SUCLG2: variants seen among roughly 807,000 people sequenced by gnomAD.
SUCLG2 encodes succinate-CoA ligase GDP-forming subunit beta, also known as succinate--CoA ligase [GDP-forming] subunit beta, mitochondrial.
In SUCLG2, 42 loss-of-function variants were observed where a neutral mutation model predicts 47.9. That is an observed-to-expected ratio of 0.88 (90% CI 0.69 to 1.14). SUCLG2 has a LOEUF of 1.14. Among genes scored for constraint, SUCLG2 ranks in the 50% most tolerant of loss-of-function variants. The probability of loss-of-function intolerance (pLI) is 0.00; values close to 1 mark genes in which losing one functional copy is unlikely to be tolerated. For synonymous variants in SUCLG2, 195 were observed against 197.3 expected (o/e 0.99, Z 0.10); for missense variants, 571 against 525.9 (o/e 1.09, Z -0.84).
intron 9 of SUCLG2, among the ~76,000 whole-genome samples, chr3:67,485,380 T>G (rs572929683): frequency 6.6e-6 from 1 of 152,350 alleles, no homozygotes; most frequent in South Asian, 2.1e-4. Context: ...TCATACTTGT[T>G]ACTATTATAT....
chr3:67,639,015 G>A (rs1379024709), intron 1 of SUCLG2, among the ~76,000 whole-genome samples: 1 of 152,070 alleles, frequency 6.6e-6, no homozygotes, highest in Non-Finnish European at 1.5e-5. Context: ...GAGCTATTCC[G>A]TGGCCTTGTC....
intron 1 of SUCLG2, among the ~76,000 whole-genome samples, chr3:67,648,260 A>T (rs1212325092): frequency 6.6e-6 from 1 of 152,152 alleles, no homozygotes; most frequent in Admixed American, 6.5e-5. Flanking sequence ...TCGTGTCTTT[A>T]ATCTCCCTAC....
intron 4 of SUCLG2, among the ~76,000 whole-genome samples, chr3:67,527,208 G>A (rs1706277133): frequency 6.6e-6 from 1 of 152,238 alleles, no homozygotes; most frequent in Admixed American, 6.5e-5. Flanking sequence ...GTGTCCTGCA[G>A]CATGGTGCAT....
intron 10 of SUCLG2, among the ~76,000 whole-genome samples, chr3:67,367,511 C>A (rs1460239420): frequency 6.6e-6 from 1 of 152,076 alleles, no homozygotes; most frequent in Non-Finnish European, 1.5e-5. Flanking sequence ...ATACCAATGA[C>A]CCATATTTAC....
chr3:67,388,255 C>A (rs1402810776), intron 10 of SUCLG2, among the ~76,000 whole-genome samples: 2 of 152,186 alleles, frequency 1.3e-5, no homozygotes, highest in Non-Finnish European at 2.9e-5. Context: ...TACCCTCTTT[C>A]CACTATTATA....
chr3:67,493,758 T>G (rs1705261595), intron 9 of SUCLG2, among the ~76,000 whole-genome samples: 1 of 152,170 alleles, frequency 6.6e-6, no homozygotes, highest in Non-Finnish European at 1.5e-5. Context: ...ATTTACAGAT[T>G]TCAATTGGTT....
intron 9 of SUCLG2, among the ~76,000 whole-genome samples, chr3:67,471,708 C>T (rs1466759751): frequency 6.8e-6 from 1 of 146,112 alleles, no homozygotes; most frequent in Non-Finnish European, 1.5e-5. Context: ...GAACCTTGGT[C>T]TGTGTTACCC....
chr3:67,532,073 T>C (rs1439235448), intron 2 of SUCLG2, among the ~76,000 whole-genome samples: 7 of 152,202 alleles, frequency 4.6e-5, no homozygotes. Context: ...GACTTAACCA[T>C]CCTTTAGAAA....
chr3:67,400,295 ATTT>A (rs1702654465), intron 10 of SUCLG2, among the ~76,000 whole-genome samples: 2 of 151,950 alleles, frequency 1.3e-5, no homozygotes, highest in Non-Finnish European at 2.9e-5. Context: ...TTTAAGAGTT[ATTT>A]TTTAAATTCC....
At chr3:67,511,201 A>T (rs919217902) in intron 6 of SUCLG2, among the ~76,000 whole-genome samples, 3 of 152,086 alleles carry the variant, frequency 2.0e-5, no homozygotes, top group African/African-American at 7.2e-5. Context: ...ATTGTTCTTC[A>T]TAGAAGCTGT....
chr3:67,458,406 C>A (rs539587113), intron 9 of SUCLG2, among the ~76,000 whole-genome samples: 2 of 152,062 alleles, frequency 1.3e-5, no homozygotes, highest in Admixed American at 6.6e-5. Flanking sequence ...TATAATAAGT[C>A]GAGGGGGTAG....
At chr3:67,418,627 A>G (rs1019255650) in intron 9 of SUCLG2, among the ~76,000 whole-genome samples, 2 of 152,178 alleles carry the variant, frequency 1.3e-5, no homozygotes, top group Admixed American at 1.3e-4. Flanking sequence ...AGCTAACCAC[A>G]AGATTCCTCC....
At chr3:67,433,542 T>C (rs1356410622) in intron 9 of SUCLG2, among the ~76,000 whole-genome samples, 2 of 152,248 alleles carry the variant, frequency 1.3e-5, no homozygotes, top group East Asian at 3.9e-4. Context: ...CTGAGTGACC[T>C]TTCTTTTTGC....
At chr3:67,479,859 A>G (rs577041967) in intron 9 of SUCLG2, among the ~76,000 whole-genome samples, 3 of 152,278 alleles carry the variant, frequency 2.0e-5, no homozygotes, top group East Asian at 3.9e-4. Flanking sequence ...TCCATGAGGG[A>G]GTTGATCTTT....
At position 67,375,181 on chromosome 3, in the gene SUCLG2, A is replaced by G. The variant is rs144757994; in HGVS notation, c.*563T>C. 1.9e-4 allele frequency: 184 copies of G among 985,688 alleles called. No individual in the cohort carries two copies. The highest frequency in any genetic ancestry group is 6.1e-5 in the Non-Finnish European group (51 of 829,772). The allele number at this position is 985,688 out of a possible 1,614,324, so 61.1% of individuals were successfully genotyped here. On this transcript the variant is annotated 3_prime_UTR_variant, in exon 11 of 11. Transcript: ENST00000307227. The stretch of plus-strand genomic sequence containing the variant: ...TTATTAAATATATTTTGGAATACTC[A>G]CGGATTTTTCAAACATATGTTAGAA...
chr3:67,466,251 G>A (rs1014321557), intron 9 of SUCLG2, among the ~76,000 whole-genome samples: 4 of 152,188 alleles, frequency 2.6e-5, no homozygotes, highest in East Asian at 3.9e-4. Flanking sequence ...TACTCAGGAG[G>A]CTGAGGCAAG....
chr3:67,520,584 A>G lies in SUCLG2; in HGVS notation c.468T>C (p.Ile156=), dbSNP rs759286102. ...LDISRETYLA[I]LMDRSCNGPV... is the part of the protein sequence containing the mutation. ...GGCCATTGCAGGACCGGTCCATCAG[A>G]ATTGCCAGGTAGGTTTCTCTGGAAA... Residue 156 remains isoleucine, a synonymous_variant, in exon 5 of 11, where the codon ATT becomes ATC. Coordinates refer to ENST00000307227, the MANE Select transcript of SUCLG2 (RefSeq NM_003848.4). 1.2e-6 allele frequency: 2 copies of G among 1,613,764 alleles called. No homozygotes were observed. The highest frequency in any genetic ancestry group is 1.7e-6 in the Non-Finnish European group (2 of 1,179,932).
intron 1 of SUCLG2, among the ~76,000 whole-genome samples, chr3:67,636,596 C>A (rs567402503): frequency 6.6e-6 from 1 of 152,120 alleles, no homozygotes; most frequent in East Asian, 1.9e-4. Flanking sequence ...TCGTGATCCA[C>A]CTGCCTCGGC....
At chr3:67,453,141 A>G (rs1704097277) in intron 9 of SUCLG2, among the ~76,000 whole-genome samples, 1 of 152,128 alleles carries the variant, frequency 6.6e-6, no homozygotes, top group African/African-American at 2.4e-5. Flanking sequence ...TGAATATCAA[A>G]TATTATGATT....
Sources: gnomAD v4.1 joint callset for allele counts (sites outside exome capture counted in the v4.1 genomes callset) on GRCh38, gnomAD v4.1.1 for gene constraint, MANE v1.5 for transcripts, NCBI Gene and HGNC (gene_info 2026-07-23, HGNC 2026-07-21) for gene names.